Variants in RCOR1 observed in about 807,000 individuals in gnomAD.
The protein encoded by RCOR1 is REST corepressor 1.
Under a neutral mutation model 64.0 loss-of-function variants are expected in RCOR1, and 12 were observed. The observed-to-expected ratio is 0.19, with a 90% CI of 0.12 to 0.30. The LOEUF is 0.30. Ranked by LOEUF, RCOR1 falls within the 10% of genes least tolerant of loss-of-function variation. RCOR1 has a pLI of 1.00. For missense variants in RCOR1, 502 were observed against 621.2 expected (o/e 0.81, Z 2.04); for synonymous variants, 279 against 227.2 (o/e 1.23, Z -2.05).
intron 2 of RCOR1, among the ~76,000 whole-genome samples, chr14:102,674,845 C>T (rs974607380): frequency 3.3e-5 from 5 of 151,894 alleles, no homozygotes; most frequent in South Asian, 4.1e-4. Context: ...GAGGCCGAGG[C>T]GGGCGGATCA....
chr14:102,715,763 T>C (rs1317618785), intron 8 of RCOR1, among the ~76,000 whole-genome samples: 1 of 152,254 alleles, frequency 6.6e-6, no homozygotes, highest in African/African-American at 2.4e-5. Flanking sequence ...TGGTACTGTT[T>C]ATTTTATGTC....
intron 2 of RCOR1, among the ~76,000 whole-genome samples, chr14:102,676,288 C>T (rs1168183468): frequency 8.3e-5 from 12 of 144,896 alleles, no homozygotes; most frequent in African/African-American, 2.9e-4. Flanking sequence ...TAGGGGCGGC[C>T]GGGCAGAAGC....
At chr14:102,646,632 G>A (rs992059455) in intron 2 of RCOR1, among the ~76,000 whole-genome samples, 4 of 152,186 alleles carry the variant, frequency 2.6e-5, no homozygotes, top group Non-Finnish European at 5.9e-5. Context: ...CTTCTTGACT[G>A]AAACATATTT....
Position 102,710,227 on chromosome 14 carries a change from G to C in RCOR1, c.780-708G>C, listed in dbSNP as rs1043303278. 2.6e-5 allele frequency among the ~76,000 whole-genome samples: 4 copies of C among 152,162 alleles called. No homozygotes were observed. In the South Asian group the frequency reaches 8.3e-4, roughly 31 times the overall value. On this transcript the variant is annotated intron_variant, in intron 6 of 11. Coordinates refer to ENST00000262241, the MANE Select transcript of RCOR1 (RefSeq NM_015156.4). ...TGGATTCCAGAGGCAGTGCGAGGTGGGCAAACTGGGGCAGGCTACTTGACT... is the reference window on the plus strand; with the variant it reads ...TGGATTCCAGAGGCAGTGCGAGGTGCGCAAACTGGGGCAGGCTACTTGACT...
At chr14:102,649,617 A>G (rs909234853) in intron 2 of RCOR1, 1 of 166,284 alleles carries the variant, frequency 6.0e-6, no homozygotes, top group Non-Finnish European at 1.2e-5. Flanking sequence ...GGTGTCCACT[A>G]TGCACTGCCA....
chr14:102,717,731 T>G (rs1399509993), intron 8 of RCOR1, among the ~76,000 whole-genome samples: 2 of 152,076 alleles, frequency 1.3e-5, no homozygotes, highest in African/African-American at 4.8e-5. Flanking sequence ...GCCTTCCTCT[T>G]GCACCGAGGT....
At chr14:102,654,786 G>GTTTT (rs570052553) in intron 2 of RCOR1, among the ~76,000 whole-genome samples, 3 of 118,386 alleles carry the variant, frequency 2.5e-5, no homozygotes, top group African/African-American at 9.7e-5. Context: ...CTGTGGTTGA[G>GTTTT]TTTTTTTTTT....
chr14:102,633,370 A>G (rs1303954709), intron 2 of RCOR1, among the ~76,000 whole-genome samples: 1 of 152,072 alleles, frequency 6.6e-6, no homozygotes, highest in African/African-American at 2.4e-5. Flanking sequence ...AAATTTTTAT[A>G]TAGAGATGGG....
chr14:102,679,813 G>T (rs1895267142), intron 2 of RCOR1, among the ~76,000 whole-genome samples: 1 of 152,068 alleles, frequency 6.6e-6, no homozygotes, highest in Non-Finnish European at 1.5e-5. Flanking sequence ...ATACATTCTT[G>T]ATTACTGATT....
intron 3 of RCOR1, among the ~76,000 whole-genome samples, chr14:102,692,906 C>G (rs1399456170): frequency 1.3e-5 from 2 of 151,852 alleles, no homozygotes; most frequent in East Asian, 1.9e-4. Flanking sequence ...GCTGGAATTA[C>G]AGGCATGTAC....
At chr14:102,630,263 A>T (rs1389718121) in intron 2 of RCOR1, among the ~76,000 whole-genome samples, 1 of 152,106 alleles carries the variant, frequency 6.6e-6, no homozygotes, top group Non-Finnish European at 1.5e-5. Flanking sequence ...TTCTCTGGCC[A>T]TGTGACCTCT....
intron 2 of RCOR1, among the ~76,000 whole-genome samples, chr14:102,668,129 T>TA (rs1320233909): frequency 6.6e-6 from 1 of 152,172 alleles, no homozygotes; most frequent in Non-Finnish European, 1.5e-5. Context: ...CAACTTTTGT[T>TA]AAAATCTCTT....
At chr14:102,622,362 C>G (rs957979317) in intron 2 of RCOR1, among the ~76,000 whole-genome samples, 1 of 152,124 alleles carries the variant, frequency 6.6e-6, no homozygotes, top group East Asian at 1.9e-4. Flanking sequence ...GTTCCTGGCA[C>G]GATTCCAGTC....
chr14:102,656,683 G>T (rs889880234), intron 2 of RCOR1, among the ~76,000 whole-genome samples: 5 of 152,014 alleles, frequency 3.3e-5, no homozygotes, highest in Non-Finnish European at 7.4e-5. Flanking sequence ...TGGCCAGGCT[G>T]GTCTTGAACT....
At chr14:102,615,794 T>G (rs1476828649) in intron 2 of RCOR1, among the ~76,000 whole-genome samples, 1 of 152,162 alleles carries the variant, frequency 6.6e-6, no homozygotes, top group Non-Finnish European at 1.5e-5. Context: ...TAAACAAGTT[T>G]GAAAATCACA....
intron 3 of RCOR1, among the ~76,000 whole-genome samples, chr14:102,692,753 C>CTTCTTT (rs1240503329): frequency 2.3e-5 from 3 of 133,122 alleles, no homozygotes; most frequent in South Asian, 2.3e-4. Flanking sequence ...TCCTTCCTTC[C>CTTCTTT]TTCTTTTTCT....
Position 102,714,500 on chromosome 14 carries a change from A to C in RCOR1, c.936A>C (p.Lys312Asn). ...STQAKNRAKR[K>N]PPKGMFLSQE... ...AAGCTAAAAATAGAGCAAAAAGGAA[A>C]CCTCCAAAAGGAATGTTTCTTTCTC... Residue 312 changes from lysine (K) to asparagine (N), a missense_variant, in exon 8 of 12, where the codon AAA (lysine) becomes AAC (asparagine). Physicochemically the swap from Lys to Asn is moderately conservative, Grantham distance 94 (BLOSUM62 0). Around this residue, in one of 2 missense-constraint regions of RCOR1, gnomAD observed 260 missense variants for 416.4 expected, o/e 0.62. Transcript: ENST00000262241. 6.2e-7 allele frequency: 1 copy of C among 1,613,898 alleles called. No individual in the cohort carries two copies. Among genetic ancestry groups the C allele is most frequent in the Non-Finnish European group, 8.5e-7 (1 of 1,179,876 alleles).
chr14:102,658,644 C>CTGAT, intron 2 of RCOR1: 1 of 984,790 alleles, frequency 1.0e-6, no homozygotes, highest in Non-Finnish European at 1.2e-6. Context: ...GTTCCTCTTA[C>CTGAT]ATCACCAAGG....
chr14:102,673,907 G>A (rs1473696447), intron 2 of RCOR1, among the ~76,000 whole-genome samples: 5 of 152,206 alleles, frequency 3.3e-5, no homozygotes, highest in East Asian at 1.9e-4. Flanking sequence ...GAGCCACCGC[G>A]CCCAGCCCCC....
Sources: gnomAD v4.1 joint callset for allele counts (sites outside exome capture counted in the v4.1 genomes callset) on GRCh38, gnomAD v4.1.1 for gene constraint, gnomAD v4.1.1 regional missense constraint, MANE v1.5 for transcripts, NCBI Gene and HGNC (gene_info 2026-07-23, HGNC 2026-07-21) for gene names.